The following MATN2 variants were observed in gnomAD, a reference collection of about 807,000 sequenced individuals.
The protein encoded by MATN2 is matrilin 2.
A neutral mutation model predicts 103.2 loss-of-function variants in MATN2; 69 were observed. The observed-to-expected ratio is 0.67, with a 90% confidence interval of 0.55 to 0.82. The LOEUF (loss-of-function observed/expected upper bound fraction) is 0.82, where lower values mean the gene tolerates loss of function less well. MATN2 is among the 40% of genes least tolerant of loss of function. MATN2 has a pLI of 0.00. For missense variants in MATN2, 1,023 were observed against 1,211.5 expected, an observed-to-expected ratio of 0.84 and a Z score of 2.31; for synonymous variants, 429 against 450.2, an observed-to-expected ratio of 0.95 and a Z score of 0.60.
chr8:97,908,964 G>A (rs1401893953), intron 2 of MATN2, among the ~76,000 whole-genome samples: 1 of 151,356 alleles, frequency 6.6e-6, no homozygotes, highest in African/African-American at 2.4e-5. Context: ...TTTGAGACAG[G>A]GTCTCACTCT....
At chr8:97,884,980 G>A (rs1818377983) in intron 1 of MATN2, among the ~76,000 whole-genome samples, 1 of 152,194 alleles carries the variant, frequency 6.6e-6, no homozygotes, top group Non-Finnish European at 1.5e-5. Flanking sequence ...GGGTTGGACA[G>A]CTAGCATTAT....
intron 4 of MATN2, among the ~76,000 whole-genome samples, chr8:97,947,229 T>G (rs2130203706): frequency 6.6e-6 from 1 of 152,152 alleles, no homozygotes; most frequent in Non-Finnish European, 1.5e-5. Flanking sequence ...AAAATTACCC[T>G]GGTGTGGTGG....
At chr8:98,014,585 T>C (rs1813294306) in intron 10 of MATN2, among the ~76,000 whole-genome samples, 1 of 152,218 alleles carries the variant, frequency 6.6e-6, no homozygotes, top group East Asian at 1.9e-4. Flanking sequence ...CCCTTCACAT[T>C]TGAAAGCTTG....
At chr8:97,981,952 C>G (rs576510591) in intron 6 of MATN2, among the ~76,000 whole-genome samples, 10 of 152,356 alleles carry the variant, frequency 6.6e-5, no homozygotes, top group African/African-American at 2.4e-4. Flanking sequence ...AGGGGCTGAT[C>G]CAGCTGTGAG....
At chr8:97,967,449 A>G (rs556794482) in intron 5 of MATN2, among the ~76,000 whole-genome samples, 2 of 152,330 alleles carry the variant, frequency 1.3e-5, no homozygotes, top group East Asian at 1.9e-4. Context: ...TTAAAAAAAA[A>G]AAAAGAAAAA....
rs1813844393 is a variant in MATN2 at position 98,027,364 on chromosome 8, T to C, written c.1943-52T>C. 7 of 1,459,642 alleles carry C rather than the reference T, an allele frequency of 4.8e-6. No individual in the cohort carries two copies. The South Asian group carries it at 8.0e-5, about 17-fold the overall frequency. 90.4% of individuals were successfully genotyped at this position (1,459,642 alleles called of 1,614,324 possible). A position where few individuals can be genotyped will look rare whatever the true frequency, so the allele number is the denominator to read the frequency against. On this transcript the variant is annotated intron_variant, in intron 13 of 18. Transcript: ENST00000254898. ...GAAGCATCATTTTATTCTACTCTTG[T>C]GCATAAATGATTTTTTATTCAACTA... is the stretch of plus-strand genomic sequence containing the variant.
chr8:97,983,642 G>A (rs1812099430), intron 6 of MATN2, among the ~76,000 whole-genome samples: 1 of 152,078 alleles, frequency 6.6e-6, no homozygotes, highest in East Asian at 1.9e-4. Flanking sequence ...ACCATCTTTT[G>A]CATGTTGCCA....
intron 4 of MATN2, among the ~76,000 whole-genome samples, chr8:97,946,960 T>C (rs913535933): frequency 3.3e-5 from 5 of 152,178 alleles, no homozygotes; most frequent in African/African-American, 1.2e-4. Context: ...ATGTGAAAAT[T>C]CTTAAAAATT....
At chr8:97,887,049 A>T (rs921224809) in intron 1 of MATN2, among the ~76,000 whole-genome samples, 1 of 151,662 alleles carries the variant, frequency 6.6e-6, no homozygotes, top group East Asian at 1.9e-4. Flanking sequence ...GAGCCACCAC[A>T]CCTGGCTAAT....
chr8:98,023,193 G>A (rs1813664707), intron 13 of MATN2, among the ~76,000 whole-genome samples: 1 of 152,112 alleles, frequency 6.6e-6, no homozygotes, highest in Non-Finnish European at 1.5e-5. Context: ...GGAGATGGAA[G>A]TTGCAGTGGG....
At chr8:97,945,678 C>G (rs1810722584) in intron 4 of MATN2, among the ~76,000 whole-genome samples, 1 of 137,774 alleles carries the variant, frequency 7.3e-6, no homozygotes, top group Non-Finnish European at 1.5e-5. Flanking sequence ...CAACTGCCTT[C>G]AAATACACAC....
chr8:98,031,835 G>A (rs559484570), intron 15 of MATN2: 1 of 157,984 alleles, frequency 6.3e-6, no homozygotes, highest in East Asian at 1.9e-4. Context: ...TTGAGATGAG[G>A]GGTAACAGGG....
Position 98,018,116 on chromosome 8 carries a change from A to C in MATN2, c.1819A>C (p.Arg607=). 1 of 1,613,674 alleles carries C rather than the reference A, an allele frequency of 6.2e-7. No homozygotes were observed. The highest frequency in any genetic ancestry group is 2.2e-5 in the East Asian group (1 of 44,880). The change falls in exon 12 of 19, where the codon AGG becomes CGG. Residue 607 remains arginine, a splice_region_variant and synonymous_variant. Transcript: ENST00000254898. ...RLAEDGKRCR[R]KDVCKSTHHG... The stretch of plus-strand genomic sequence containing the variant: ...CGCTGAGGATGGGAAACGCTGCCGA[A>C]GTAAGTAGCCTCGAGGTGGAGAAGA...
At chr8:97,995,230 G>A (rs1180068726) in intron 7 of MATN2, among the ~76,000 whole-genome samples, 1 of 152,144 alleles carries the variant, frequency 6.6e-6, no homozygotes, top group Non-Finnish European at 1.5e-5. Context: ...TAGAATGGAC[G>A]GCCCACAAGG....
rs1810157338 is a variant in MATN2, at chr8:97,930,834, C to T, written c.143-119C>T. The T allele has an allele frequency of 6.3e-6, 4 of 634,180 alleles. No individual in the cohort carries two copies. In the East Asian group the frequency reaches 1.1e-4, roughly 17 times the overall value. The allele number at this position is 634,180 out of a possible 1,614,324, so 39.3% of individuals were successfully genotyped here. ...ACAGGGTTTTACAGTGTTGACCAGG[C>T]TGGTCTTGAATTCCTGACCTCAGGT... On this transcript the variant is annotated intron_variant, in intron 2 of 18. Coordinates refer to ENST00000254898, the MANE Select transcript of MATN2 (RefSeq NM_002380.5).
Position 98,011,354 on chromosome 8 carries a change from T to G in MATN2, c.1573+3753T>G, listed in dbSNP as rs529078740. Reference sequence around the variant, plus strand: ...AGGGAGTAGGGGGAGGGGACCACCCTCACTCTCATGTATTCACATTACAGG... The same window carrying G: ...AGGGAGTAGGGGGAGGGGACCACCCGCACTCTCATGTATTCACATTACAGG... On this transcript the variant is annotated intron_variant, in intron 10 of 18. Transcript: ENST00000254898. Among the ~76,000 whole-genome samples, 6 of 152,284 alleles carry G rather than the reference T, an allele frequency of 3.9e-5. No homozygotes were observed. In the East Asian group the frequency reaches 1.2e-3, roughly 29 times the overall value.
chr8:98,031,232 G>C (rs115854622), intron 15 of MATN2, among the ~76,000 whole-genome samples: 1,606 of 152,194 alleles, frequency 0.011, 18 homozygotes, highest in African/African-American at 0.036. Flanking sequence ...CAGCTACTTG[G>C]GAGACTGAGC....
chr8:97,933,824 C>T (rs558274187), intron 3 of MATN2, among the ~76,000 whole-genome samples: 23 of 152,240 alleles, frequency 1.5e-4, no homozygotes, highest in Non-Finnish European at 3.2e-4. Flanking sequence ...ACTCAGCAGC[C>T]GTCTTGAAAG....
Position 98,032,308 on chromosome 8 carries a change from C to T in MATN2, c.2572C>T (p.Gln858Ter). 6.2e-7 allele frequency: 1 copy of T among 1,610,322 alleles called. No individual in the cohort carries two copies. The highest frequency in any genetic ancestry group is 8.5e-7 in the Non-Finnish European group (1 of 1,178,134). ...AGGGGAACTGCCAAAAACGGTCCAA[C>T]AGCCAACAGGTACAGTTTTTAAGGC... ...PAGELPKTVQ[Q>*]PTESEPVTIN... The change falls in exon 16 of 19, where the codon CAG (glutamine) becomes TAG (stop). Residue 858 changes from glutamine (Q) to a stop codon, truncating the protein, a stop_gained. Coordinates refer to ENST00000254898, the MANE Select transcript of MATN2 (RefSeq NM_002380.5). LOFTEE classifies it high-confidence loss of function.
Sources: allele counts gnomAD v4.1 joint callset (sites outside exome capture counted in the v4.1 genomes callset), GRCh38; gene constraint gnomAD v4.1.1; transcripts MANE v1.5; gene names NCBI Gene and HGNC (gene_info 2026-07-23, HGNC 2026-07-21).